TENM2: variants seen among roughly 807,000 people sequenced by gnomAD.
TENM2 encodes teneurin transmembrane protein 2.
Under a neutral mutation model 245.2 loss-of-function variants are expected in TENM2, and 52 were observed. The observed-to-expected ratio is 0.21, with a 90% CI of 0.17 to 0.27. The LOEUF is 0.27. Ranked by LOEUF, TENM2 falls within the 10% of genes least tolerant of loss-of-function variation. TENM2 has a pLI of 1.00. For synonymous variants in TENM2, 1,363 were observed against 1,438.9 expected, an observed-to-expected ratio of 0.95 and a Z score of 1.19; for missense variants, 3,046 against 3,666.8, an observed-to-expected ratio of 0.83 and a Z score of 4.37.
At chr5:167,647,909 A>G (rs998301766) in intron 2 of TENM2, among the ~76,000 whole-genome samples, 2 of 152,148 alleles carry the variant, frequency 1.3e-5, no homozygotes, top group African/African-American at 4.8e-5. Context: ...CTTTCGGTAC[A>G]GTTTCACTGC....
chr5:167,688,299 CT>C (rs1757209043), intron 2 of TENM2, among the ~76,000 whole-genome samples: 1 of 152,246 alleles, frequency 6.6e-6, no homozygotes, highest in Non-Finnish European at 1.5e-5. Flanking sequence ...GTATTGTGAA[CT>C]TTCCCCCCAT....
chr5:167,512,943 A>T (rs1770067008), intron 2 of TENM2, among the ~76,000 whole-genome samples: 1 of 152,322 alleles, frequency 6.6e-6, no homozygotes, highest in South Asian at 2.1e-4. Context: ...CCCTTAAATT[A>T]TAATTGATTA....
At chr5:168,138,123 C>T (rs1003028522) in intron 12 of TENM2, among the ~76,000 whole-genome samples, 3 of 152,122 alleles carry the variant, frequency 2.0e-5, no homozygotes, top group African/African-American at 7.2e-5. Context: ...AAGTTTGAGG[C>T]AGTTTGGGGA....
the TENM2 span, among the ~76,000 whole-genome samples, chr5:167,142,696 A>G: frequency 6.6e-6 from 1 of 152,032 alleles, no homozygotes; most frequent in African/African-American, 2.4e-5. Context: ...GATTACAGGC[A>G]CGCACCACTA....
chr5:168,075,422 T>C (rs140865135), intron 7 of TENM2, among the ~76,000 whole-genome samples: 64 of 152,258 alleles, frequency 4.2e-4, no homozygotes, highest in African/African-American at 1.5e-3. Flanking sequence ...TTTCTAAGTG[T>C]CCACTTGGAT....
chr5:168,178,702 T>A (rs1759574255), intron 13 of TENM2, among the ~76,000 whole-genome samples: 1 of 152,174 alleles, frequency 6.6e-6, no homozygotes, highest in Non-Finnish European at 1.5e-5. Flanking sequence ...CTTCTGAAGC[T>A]TCAGTATTTC....
At chr5:168,190,629 C>A in intron 14 of TENM2, 82 bp downstream of exon 16, 1 of 1,328,638 alleles carries the variant, frequency 7.5e-7, no homozygotes, top group Non-Finnish European at 1.0e-6. Context: ...CCAGCTTTCC[C>A]GGGGACCCAA....
chr5:167,606,552 G>A (rs1179534089), intron 2 of TENM2, among the ~76,000 whole-genome samples: 5 of 152,050 alleles, frequency 3.3e-5, no homozygotes, highest in Non-Finnish European at 5.9e-5. Flanking sequence ...CACATTGGAG[G>A]GCTAGGGCTT....
At chr5:168,022,328 G>A (rs1279367669) in intron 5 of TENM2, among the ~76,000 whole-genome samples, 1 of 152,198 alleles carries the variant, frequency 6.6e-6, no homozygotes, top group African/African-American at 2.4e-5. Context: ...CCCTAGGGGA[G>A]AAGTTGACAG....
At chr5:167,156,278 G>A in the TENM2 span, among the ~76,000 whole-genome samples, 11 of 152,232 alleles carry the variant, frequency 7.2e-5, no homozygotes, top group African/African-American at 2.4e-4. Context: ...TTCAGGCTTG[G>A]TTCTTTGATG....
intron 1 of TENM2, among the ~76,000 whole-genome samples, chr5:167,314,279 G>A (rs1339592527): frequency 6.6e-6 from 1 of 152,022 alleles, no homozygotes; most frequent in Non-Finnish European, 1.5e-5. Context: ...CAAATCCAGG[G>A]CAAGTGCTTA....
chr5:167,347,684 T>TCCTTTCTTTCTCCCTTCCTCCCTTCTTC (rs1758552155), intron 1 of TENM2, among the ~76,000 whole-genome samples: 1 of 151,858 alleles, frequency 6.6e-6, no homozygotes, highest in Non-Finnish European at 1.5e-5. Flanking sequence ...TATTTTTTTA[T>TCCTTTCTTTCTCCCTTCCTCCCTTCTTC]CCTTTCTTTC....
At chr5:167,319,384 G>A (rs1412875817) in intron 1 of TENM2, among the ~76,000 whole-genome samples, 3 of 152,098 alleles carry the variant, frequency 2.0e-5, no homozygotes, top group African/African-American at 7.2e-5. Context: ...GAAAATCCAT[G>A]TAAAGGCACT....
the TENM2 span, among the ~76,000 whole-genome samples, chr5:166,994,168 T>C: frequency 0.92 from 140,262 of 152,230 alleles, 64,756 homozygotes; most frequent in African/African-American, 0.98. Context: ...TCCAGATCTC[T>C]TCTGTAGCTA....
At chr5:167,865,012 A>G (rs961491631) in intron 2 of TENM2, among the ~76,000 whole-genome samples, 1 of 152,186 alleles carries the variant, frequency 6.6e-6, no homozygotes, top group African/African-American at 2.4e-5. Context: ...ATCGGCATAC[A>G]GTTCCTTTTA....
In TENM2 at chr5:167,284,895, T is replaced by C. The variant is rs373703904; in HGVS notation, c.58T>C (p.Cys20Arg). The C allele has an allele frequency of 6.9e-5, 107 of 1,551,612 alleles. No individual in the cohort carries two copies. Among genetic ancestry groups the C allele is most frequent in the Middle Eastern group, 1.7e-4 (1 of 5,982 alleles). The change falls in exon 1 of 29, where the codon TGT (cysteine) becomes CGT (arginine). Residue 20 changes from cysteine to arginine, a missense_variant. By Grantham distance (180) the Cys-to-Arg change is radical. Around this residue, in one of 2 missense-constraint regions of TENM2, gnomAD observed 342 missense variants for 335.0 expected, o/e 1.02. Coordinates refer to ENST00000518659, the Ensembl canonical transcript of TENM2. ...GACCAGAGGACGCTGTGGCAAAGAGTGTCGCTACACAAGCTCCTCTCTGGA... is the reference window on the plus strand; with the variant it reads ...GACCAGAGGACGCTGTGGCAAAGAGCGTCGCTACACAAGCTCCTCTCTGGA...
intron 28 of TENM2, 88 bp from the exon 31 acceptor site, chr5:168,261,961 A>T: frequency 7.6e-7 from 1 of 1,318,362 alleles, no homozygotes; most frequent in Non-Finnish European, 1.1e-6. Context: ...TTCTTGCAGG[A>T]GAGTTCCAAG....
chr5:168,143,446 G>A (rs1755736864), intron 12 of TENM2, among the ~76,000 whole-genome samples: 1 of 152,166 alleles, frequency 6.6e-6, no homozygotes, highest in African/African-American at 2.4e-5. Flanking sequence ...GAAGAAAAAA[G>A]GCATAAGCAG....
intron 1 of TENM2, among the ~76,000 whole-genome samples, chr5:167,335,908 T>C (rs1757724059): frequency 6.6e-6 from 1 of 152,194 alleles, no homozygotes; most frequent in Admixed American, 6.5e-5. Context: ...TGCTGGGCTG[T>C]GTTCAGCACC....
Sources: gnomAD v4.1 joint callset for allele counts (sites outside exome capture counted in the v4.1 genomes callset) on GRCh38, gnomAD v4.1.1 for gene constraint, gnomAD v4.1.1 regional missense constraint, MANE v1.5 for transcripts, NCBI Gene and HGNC (gene_info 2026-07-23, HGNC 2026-07-21) for gene names.